CDC25C: variants seen among roughly 807,000 people sequenced by gnomAD.
CDC25C encodes cell division cycle 25C.
In CDC25C, 48 loss-of-function variants were observed where a neutral mutation model predicts 52.5. The ratio of observed to expected loss-of-function variants is 0.91; its 90% CI spans 0.72 to 1.16. The LOEUF is 1.16. Ranked by LOEUF, CDC25C falls within the 50% of genes most tolerant of loss-of-function variation. The probability of loss-of-function intolerance (pLI) is 0.00; values close to 1 mark genes in which losing one functional copy is unlikely to be tolerated. For missense variants in CDC25C, 510 were observed against 566.1 expected, an observed-to-expected ratio of 0.90 and a Z score of 1.01; for synonymous variants, 187 against 206.5, an observed-to-expected ratio of 0.91 and a Z score of 0.81.
At chr5:138,313,569 T>A (rs1173097314) in intron 7 of CDC25C, among the ~76,000 whole-genome samples, 3 of 152,116 alleles carry the variant, frequency 2.0e-5, no homozygotes, top group Non-Finnish European at 4.4e-5. Context: ...AATATATAAA[T>A]GTGCCACCTG....
intron 7 of CDC25C, among the ~76,000 whole-genome samples, chr5:138,296,759 C>A (rs967416092): frequency 3.1e-4 from 47 of 151,328 alleles, no homozygotes; most frequent in African/African-American, 1.1e-3. Flanking sequence ...GCGCCCGCCA[C>A]CGCACACAGC....
intron 9 of CDC25C, among the ~76,000 whole-genome samples, chr5:138,290,282 A>G (rs76990640): frequency 4.9e-5 from 7 of 143,694 alleles, no homozygotes; most frequent in Middle Eastern, 3.4e-3. Flanking sequence ...AGTAGGGGGG[A>G]AAAAAAGAGT....
chr5:138,309,434 G>A (rs1758274994), intron 7 of CDC25C, among the ~76,000 whole-genome samples: 1 of 151,688 alleles, frequency 6.6e-6, no homozygotes, highest in Admixed American at 6.6e-5. Flanking sequence ...GTGGGCACCT[G>A]TAATCCTACC....
intron 7 of CDC25C, among the ~76,000 whole-genome samples, chr5:138,317,699 A>C (rs905022619): frequency 3.3e-5 from 5 of 150,756 alleles, no homozygotes; most frequent in African/African-American, 1.2e-4. Flanking sequence ...AAAAAAAAAA[A>C]AAAAAAAACC....
chr5:138,335,972 C>T (rs1760673331), upstream of CDC25C, among the ~76,000 whole-genome samples: 1 of 151,872 alleles, frequency 6.6e-6, no homozygotes, highest in African/African-American at 2.4e-5. Flanking sequence ...CCTTTGCCTA[C>T]CATGTGGGCA....
intron 7 of CDC25C, among the ~76,000 whole-genome samples, chr5:138,304,688 A>G (rs2126724728): frequency 6.6e-6 from 1 of 151,938 alleles, no homozygotes; most frequent in Non-Finnish European, 1.5e-5. Context: ...TTTTATTTTT[A>G]GTAGTGATGA....
At chr5:138,307,839 G>GTAT (rs1758138757) in intron 7 of CDC25C, among the ~76,000 whole-genome samples, 1 of 152,074 alleles carries the variant, frequency 6.6e-6, no homozygotes, top group Non-Finnish European at 1.5e-5. Context: ...GTGGTCCCCA[G>GTAT]CCTTTTTGAT....
intron 6 of CDC25C, among the ~76,000 whole-genome samples, chr5:138,322,059 T>C (rs892825352): frequency 6.6e-6 from 1 of 152,092 alleles, no homozygotes; most frequent in African/African-American, 2.4e-5. Context: ...TGGAGTGCAG[T>C]GGCGCGATCT....
intron 7 of CDC25C, among the ~76,000 whole-genome samples, chr5:138,301,560 T>G (rs1395031264): frequency 1.4e-5 from 2 of 141,334 alleles, no homozygotes; most frequent in African/African-American, 5.0e-5. Flanking sequence ...TCCAGAAAAT[T>G]GAAAAAAAAA....
intron 10 of CDC25C, among the ~76,000 whole-genome samples, chr5:138,289,234 A>C (rs575740438): frequency 1.3e-5 from 2 of 152,134 alleles, no homozygotes; most frequent in Non-Finnish European, 1.5e-5. Flanking sequence ...CAGCCTCCCA[A>C]AATGCTAGGA....
intron 7 of CDC25C, among the ~76,000 whole-genome samples, chr5:138,303,718 C>T (rs961147394): frequency 1.3e-5 from 2 of 152,214 alleles, no homozygotes; most frequent in Non-Finnish European, 1.5e-5. Flanking sequence ...TGCCCTACTC[C>T]AATCCAGGGA....
chr5:138,296,023 C>T (rs1462587961), intron 7 of CDC25C, among the ~76,000 whole-genome samples: 2 of 152,118 alleles, frequency 1.3e-5, no homozygotes, highest in South Asian at 4.1e-4. Context: ...AACTGGCCTA[C>T]ACACTCTTGA....
At chr5:138,319,480 T>C in intron 6 of CDC25C, 106 bp from the exon 7 acceptor site, 1 of 806,088 alleles carries the variant, frequency 1.2e-6, no homozygotes, top group Non-Finnish European at 1.8e-6. Flanking sequence ...AGGGAAAAAA[T>C]TCATGACACT....
chr5:138,330,819 C>G (rs1157062398), intron 2 of CDC25C, among the ~76,000 whole-genome samples, 168 bp downstream of exon 2: 1 of 152,184 alleles, frequency 6.6e-6, no homozygotes, highest in Non-Finnish European at 1.5e-5. Context: ...GAGATTATTT[C>G]TTGTCACAGA....
At chr5:138,333,938 T>C (rs1760558813), upstream of CDC25C, among the ~76,000 whole-genome samples, 2 of 151,402 alleles carry the variant, frequency 1.3e-5, no homozygotes, top group African/African-American at 4.9e-5. Flanking sequence ...CTCTTAAGAG[T>C]ATTTTTTTTT....
chr5:138,287,403 T>C, intron 10 of CDC25C, 136 bp from the exon 11 acceptor site: 1 of 588,386 alleles, frequency 1.7e-6, no homozygotes, highest in Non-Finnish European at 3.0e-6. Flanking sequence ...CCATATTTGA[T>C]ATGTGGCAAT....
rs1756637290 is a variant in CDC25C at position 138,290,742 on chromosome 5, T to C, written c.763-2A>G. On this transcript the variant is annotated splice_acceptor_variant, in intron 8 of 13. Transcript: ENST00000323760. LOFTEE classifies it high-confidence loss of function. ...GACTGTCTTCTTTAAACATAAGCCCTGAAGATGACAAGATTCCCACCCCAC... is the reference window on the plus strand; with the variant it reads ...GACTGTCTTCTTTAAACATAAGCCCCGAAGATGACAAGATTCCCACCCCAC... 4 of 1,573,254 alleles carry C rather than the reference T, an allele frequency of 2.5e-6. No individual in the cohort carries two copies. Among genetic ancestry groups the C allele is most frequent in the Admixed American group, 1.7e-5 (1 of 59,886 alleles).
chr5:138,299,194 A>T (rs1194030115), intron 7 of CDC25C, among the ~76,000 whole-genome samples: 1 of 50,812 alleles, frequency 2.0e-5, no homozygotes, highest in Admixed American at 2.4e-4. Context: ...CTCTGTCTGG[A>T]AAAAAAAAAA....
At chr5:138,291,804 C>T (rs556589373) in intron 8 of CDC25C, among the ~76,000 whole-genome samples, 166 bp downstream of exon 8, 5 of 149,542 alleles carry the variant, frequency 3.3e-5, no homozygotes, top group Non-Finnish European at 7.4e-5. Flanking sequence ...ATATATTTCA[C>T]GTGGATACAG....
Sources: allele counts gnomAD v4.1 joint callset (sites outside exome capture counted in the v4.1 genomes callset), GRCh38; gene constraint gnomAD v4.1.1; transcripts MANE v1.5; gene names NCBI Gene and HGNC (gene_info 2026-07-23, HGNC 2026-07-21).